TENT4A: variants seen among roughly 807,000 people sequenced by gnomAD.
The protein encoded by TENT4A is DNA polymerase kappa.
A neutral mutation model predicts 72.8 loss-of-function variants in TENT4A; 7 were observed. The ratio of observed to expected loss-of-function variants is 0.10; its 90% confidence interval spans 0.05 to 0.18. The LOEUF (loss-of-function observed/expected upper bound fraction) is 0.18. Ranked by LOEUF, TENT4A falls within the 10% of genes least tolerant of loss-of-function variation. The pLI, the probability that TENT4A is intolerant of heterozygous loss-of-function variation, is 1.00. For synonymous variants in TENT4A, 456 were observed against 434.3 expected (o/e 1.05, Z -0.62); for missense variants, 831 against 1,017.7 (o/e 0.82, Z 2.50).
Position 6,714,389 on chromosome 5 carries a change from G to T in TENT4A, c.406G>T (p.Ala136Ser). 1 of 1,132,516 alleles carries T rather than the reference G, an allele frequency of 8.8e-7. No homozygotes were observed. Among genetic ancestry groups the T allele is most frequent in the South Asian group, 4.3e-5 (1 of 23,334 alleles). The allele number at this position is 1,132,516 out of a possible 1,614,324, so 70.2% of individuals were successfully genotyped here. The change falls in exon 1 of 13, where the codon GCC becomes TCC. Residue 136 changes from alanine to serine, a missense_variant. Ala to Ser is a moderately conservative substitution (Grantham distance 99). Transcript: ENST00000230859. ...CTGCTCGTCGTCGTCCTCCAGCAGC[G>T]CCTCGCTGGGCCGGCCGGGCGGCGG... ...PGCSSSSSSS[A>S]SLGRPGGGRG... is the part of the protein sequence containing the mutation.
intron 1 of TENT4A, among the ~76,000 whole-genome samples, chr5:6,731,273 G>C (rs1297415232): frequency 2.0e-5 from 3 of 152,206 alleles, no homozygotes; most frequent in African/African-American, 7.2e-5. Flanking sequence ...CAGTTAATGA[G>C]TTTCCAGTAT....
chr5:6,745,882 C>T (rs1268919137), intron 6 of TENT4A: 2 of 426,604 alleles, frequency 4.7e-6, no homozygotes, highest in Non-Finnish European at 7.5e-6. Context: ...TTACATCTAC[C>T]ATCCAGGTGA....
At chr5:6,730,517 A>G (rs1327230547) in intron 1 of TENT4A, among the ~76,000 whole-genome samples, 2 of 152,162 alleles carry the variant, frequency 1.3e-5, no homozygotes, top group Non-Finnish European at 2.9e-5. Flanking sequence ...GGTAGCTGTC[A>G]GGTGCCCCTT....
At chr5:6,736,616 T>C (rs1351374991) in intron 1 of TENT4A, among the ~76,000 whole-genome samples, 2 of 152,222 alleles carry the variant, frequency 1.3e-5, no homozygotes, top group Non-Finnish European at 2.9e-5. Flanking sequence ...TTTCCTGCAG[T>C]CATCTGTGTA....
At chr5:6,751,987 A>G (rs953231707) in intron 11 of TENT4A, among the ~76,000 whole-genome samples, 14 of 152,362 alleles carry the variant, frequency 9.2e-5, no homozygotes, top group African/African-American at 3.4e-4. Context: ...GCTGATGAGC[A>G]GAGCCATGGC....
intron 1 of TENT4A, among the ~76,000 whole-genome samples, chr5:6,733,490 G>A (rs1741307586): frequency 2.0e-5 from 3 of 152,194 alleles, no homozygotes; most frequent in Admixed American, 2.0e-4. Context: ...AAATTTCTTC[G>A]ATTTGGAGAC....
rs1022634132 is a variant in TENT4A, at chr5:6,745,120, G to A, written c.1246-1094G>A. Among the ~76,000 whole-genome samples the A allele has an allele frequency of 4.6e-5, 7 of 152,226 alleles. No individual in the cohort carries two copies. The South Asian group carries it at 1.4e-3, about 32-fold the overall frequency. On this transcript the variant is annotated intron_variant, in intron 6 of 12. Transcript: ENST00000230859. ...CATCTGAGTTTCTTGACTAAGTGAG[G>A]GGAGGAGGCCCACCCTGGCACCGGC...
Position 6,755,129 on chromosome 5 carries a change from C to A in TENT4A, c.*184C>A. On this transcript the variant is annotated 3_prime_UTR_variant, in exon 13 of 13. Transcript: ENST00000230859. ...CCATCTTCAAGAACAGCTCGTTGTG[C>A]TCATCTGTGAAGCCTTATTAAACGT... The A allele has an allele frequency of 2.0e-6, 1 of 493,002 alleles. No individual in the cohort carries two copies. The highest frequency in any genetic ancestry group is 3.6e-6 in the Non-Finnish European group (1 of 281,000). 30.5% of individuals were successfully genotyped at this position (493,002 alleles called of 1,614,324 possible).
At chr5:6,741,361 T>G (rs1271022256) in intron 4 of TENT4A, among the ~76,000 whole-genome samples, 1 of 152,076 alleles carries the variant, frequency 6.6e-6, no homozygotes, top group African/African-American at 2.4e-5. Context: ...TGTGTTACAG[T>G]GTTAACTCCT....
chr5:6,715,425 C>T (rs1044188402), intron 1 of TENT4A, among the ~76,000 whole-genome samples: 3 of 152,128 alleles, frequency 2.0e-5, no homozygotes, highest in South Asian at 2.1e-4. Flanking sequence ...GTGTGTGTTT[C>T]GGGGTTGGAA....
At chr5:6,749,345 T>C (rs1561045225) in intron 8 of TENT4A, among the ~76,000 whole-genome samples, 1 of 152,204 alleles carries the variant, frequency 6.6e-6, no homozygotes, top group South Asian at 2.1e-4. Flanking sequence ...TTCACAGTGG[T>C]CTTCTGTAGG....
chr5:6,734,120 G>T (rs529853873), intron 1 of TENT4A, among the ~76,000 whole-genome samples: 1 of 152,218 alleles, frequency 6.6e-6, no homozygotes, highest in Non-Finnish European at 1.5e-5. Flanking sequence ...CACCGGAGAC[G>T]GAGCAGTGCG....
intron 1 of TENT4A, among the ~76,000 whole-genome samples, chr5:6,728,664 G>A (rs559955073): frequency 1.3e-5 from 2 of 152,346 alleles, no homozygotes; most frequent in South Asian, 4.1e-4. Context: ...GTGGTGCTGG[G>A]CGGCAGAGCC....
At chr5:6,725,234 T>A (rs1049470481) in intron 1 of TENT4A, among the ~76,000 whole-genome samples, 6 of 151,714 alleles carry the variant, frequency 4.0e-5, no homozygotes, top group African/African-American at 1.5e-4. Context: ...GGCAGGAGAA[T>A]CTCTTGAATC....
chr5:6,714,482 C>T lies in TENT4A; in HGVS notation c.499C>T (p.Pro167Ser). The change falls in exon 1 of 13, where the codon CCC becomes TCC. Residue 167 changes from proline to serine, a missense_variant. By Grantham distance (74) the Pro-to-Ser change is moderately conservative. Around this residue, in one of 3 missense-constraint regions of TENT4A, gnomAD observed 302 missense variants for 293.8 expected, o/e 1.03. Coordinates refer to ENST00000230859, the MANE Select transcript of TENT4A (RefSeq NM_006999.6). The stretch of plus-strand genomic sequence containing the variant: ...CGCCCCTGGCACAGCCAACGGGCAC[C>T]CCGGGCCGCGCGGCCCCGCGCCCGC... ...PSAPGTANGH[P>S]GPRGPAPAGS... 2 of 1,184,046 alleles carry T rather than the reference C, an allele frequency of 1.7e-6. No homozygotes were observed. Among genetic ancestry groups the T allele is most frequent in the South Asian group, 4.2e-5 (1 of 23,962 alleles). The allele number at this position is 1,184,046 out of a possible 1,614,324, so 73.3% of individuals were successfully genotyped here.
In TENT4A at chr5:6,752,918, C is replaced by G. The variant is rs1260063943; in HGVS notation, c.2065C>G (p.Pro689Ala). Residue 689 changes from proline (P) to alanine (A), a missense_variant, in exon 12 of 13, where the codon CCT becomes GCT. Physicochemically the swap from Pro to Ala is conservative, Grantham distance 27. Around this residue, in one of 3 missense-constraint regions of TENT4A, gnomAD observed 332 missense variants for 324.3 expected, o/e 1.02. Coordinates refer to ENST00000230859, the MANE Select transcript of TENT4A (RefSeq NM_006999.6). ...ACCGACCCTAGGGGTTGCTCCTGTT[C>G]CTTGCAGACAAGCTGGTGTAGAAGG... ...PPPTLGVAPV[P>A]CRQAGVEGTA... The G allele has an allele frequency of 3.7e-6, 6 of 1,614,078 alleles. No homozygotes were observed. Among genetic ancestry groups the G allele is most frequent in the Non-Finnish European group, 5.1e-6 (6 of 1,180,042 alleles).
At chr5:6,723,661 A>T (rs1328239838) in intron 1 of TENT4A, among the ~76,000 whole-genome samples, 1 of 152,182 alleles carries the variant, frequency 6.6e-6, no homozygotes, top group African/African-American at 2.4e-5. Flanking sequence ...CATTCTACAA[A>T]CATGGTTCAA....
intron 1 of TENT4A, among the ~76,000 whole-genome samples, chr5:6,734,607 T>C (rs1249033590): frequency 3.3e-5 from 5 of 152,264 alleles, no homozygotes; most frequent in Non-Finnish European, 5.9e-5. Flanking sequence ...AAAACAAAAT[T>C]ATTCCTGTCT....
At chr5:6,733,741 T>A (rs750994253) in intron 1 of TENT4A, among the ~76,000 whole-genome samples, 3 of 152,180 alleles carry the variant, frequency 2.0e-5, no homozygotes, top group South Asian at 2.1e-4. Flanking sequence ...GCGGGCATAT[T>A]CAGTATTTGA....
Sources: allele counts gnomAD v4.1 joint callset (sites outside exome capture counted in the v4.1 genomes callset), GRCh38; gene constraint gnomAD v4.1.1; regional missense constraint gnomAD v4.1.1; transcripts MANE v1.5; gene names NCBI Gene and HGNC (gene_info 2026-07-23, HGNC 2026-07-21).